Variants in DMXL2 observed in about 807,000 individuals in gnomAD.
DMXL2 encodes dmX-like protein 2.
In DMXL2, 103 loss-of-function variants were observed where a neutral mutation model predicts 331.1. That is an observed-to-expected ratio of 0.31 (90% CI 0.27 to 0.37). The LOEUF is 0.37. DMXL2 is among the 10% of genes least tolerant of loss of function. DMXL2 has a pLI of 1.00. For missense variants in DMXL2, 3,171 were observed against 3,642.9 expected (o/e 0.87, Z 3.33); for synonymous variants, 1,281 against 1,252.1 (o/e 1.02, Z -0.49).
At chr15:51,586,368 T>A (rs574372833) in intron 1 of DMXL2, among the ~76,000 whole-genome samples, 4 of 152,068 alleles carry the variant, frequency 2.6e-5, no homozygotes, top group Non-Finnish European at 4.4e-5. Context: ...AAAGCTTGAC[T>A]ACAAATATGT....
Position 51,536,592 on chromosome 15 carries a change from C to A in DMXL2, c.1888G>T (p.Asp630Tyr). The change falls in exon 12 of 44, where the codon GAT becomes TAT. Residue 630 changes from aspartate to tyrosine, a missense_variant. By Grantham distance (160) the Asp-to-Tyr change is radical. Around this residue, in one of 7 missense-constraint regions of DMXL2, gnomAD observed 1,674 missense variants for 1,780.2 expected, o/e 0.94. Coordinates refer to ENST00000560891, the MANE Select transcript of DMXL2 (RefSeq NM_001378457.1). The stretch of plus-strand genomic sequence containing the variant: ...AGAACAGTGGTAAAGGCAGACTTAT[C>A]AGCAAAAGTGACTGCCCACTGATTT... ...SLNQWAVTFA[D>Y]KSAFTTVLTV... 1.2e-6 allele frequency: 2 copies of A among 1,613,954 alleles called. No individual in the cohort carries two copies. Among genetic ancestry groups the A allele is most frequent in the Non-Finnish European group, 1.7e-6 (2 of 1,179,942 alleles).
chr15:51,570,196 G>A (rs1201342825), intron 2 of DMXL2, among the ~76,000 whole-genome samples: 1 of 151,950 alleles, frequency 6.6e-6, no homozygotes, highest in Non-Finnish European at 1.5e-5. Context: ...AGATATCAGA[G>A]ACTAAAGATA....
chr15:51,536,042 AT>A lies in DMXL2; in HGVS notation c.2314+123del, dbSNP rs1012718168. On this transcript the variant is annotated intron_variant, in intron 12 of 43. Coordinates refer to ENST00000560891, the MANE Select transcript of DMXL2 (RefSeq NM_001378457.1). ...CCTGTATTCTGAATATTTATTAAAA[AT>A]CACCTTAATGAAAACTGAATACTTA... 8.1e-6 allele frequency: 8 copies of A among 993,696 alleles called. No individual in the cohort carries two copies. The African/African-American group carries it at 1.3e-4, about 16-fold the overall frequency. 61.6% of individuals were successfully genotyped at this position (993,696 alleles called of 1,614,324 possible). A position where few individuals can be genotyped will look rare whatever the true frequency, so the allele number is the denominator to read the frequency against.
chr15:51,507,928 C>T (rs181398509), intron 15 of DMXL2, among the ~76,000 whole-genome samples: 19 of 151,952 alleles, frequency 1.3e-4, no homozygotes, highest in Admixed American at 1.2e-3. Context: ...ATAATTTTCC[C>T]TGCTGAAAAT....
At position 51,448,572 on chromosome 15, in the gene DMXL2, T is replaced by C; in HGVS notation, c.*412A>G. 4.3e-6 allele frequency: 1 copy of C among 234,928 alleles called. No homozygotes were observed. The highest frequency in any genetic ancestry group is 8.5e-6 in the Non-Finnish European group (1 of 117,798). The allele number at this position is 234,928 out of a possible 1,614,324, so 14.6% of individuals were successfully genotyped here. A position where few individuals can be genotyped will look rare whatever the true frequency, so the allele number is the denominator to read the frequency against. ...CTAACAAACACCTTATGATTATCCTTCATTCAACAGAGGAGGAGACTGCAG... is the reference window on the plus strand; with the variant it reads ...CTAACAAACACCTTATGATTATCCTCCATTCAACAGAGGAGGAGACTGCAG... On this transcript the variant is annotated 3_prime_UTR_variant, in exon 44 of 44. Transcript: ENST00000560891.
intron 1 of DMXL2, among the ~76,000 whole-genome samples, chr15:51,598,454 A>G (rs975820957): frequency 1.3e-5 from 2 of 152,332 alleles, no homozygotes; most frequent in Admixed American, 6.5e-5. Flanking sequence ...ATAAAATACT[A>G]TTATCTATAG....
chr15:51,543,107 T>C (rs2048693261), intron 8 of DMXL2, among the ~76,000 whole-genome samples: 1 of 152,204 alleles, frequency 6.6e-6, no homozygotes, highest in African/African-American at 2.4e-5. Flanking sequence ...GAGATAAATC[T>C]ATATGATTAA....
intron 9 of DMXL2, among the ~76,000 whole-genome samples, chr15:51,539,508 A>C (rs2140898629): frequency 6.6e-6 from 1 of 152,268 alleles, no homozygotes; most frequent in East Asian, 1.9e-4. Context: ...TGATGAGTTC[A>C]TGTAAGAGAG....
At chr15:51,614,271 A>AG (rs1161033594) in intron 1 of DMXL2, among the ~76,000 whole-genome samples, 1 of 152,214 alleles carries the variant, frequency 6.6e-6, no homozygotes, top group Non-Finnish European at 1.5e-5. Context: ...CAGAACTGTG[A>AG]GGAAAAAAAA....
At chr15:51,605,736 G>C (rs1239013990) in intron 1 of DMXL2, among the ~76,000 whole-genome samples, 2 of 96,020 alleles carry the variant, frequency 2.1e-5, no homozygotes, top group African/African-American at 7.0e-5. Context: ...GTAGAGACGG[G>C]GTTTCACCTT....
intron 1 of DMXL2, among the ~76,000 whole-genome samples, chr15:51,614,461 C>A (rs969746622): frequency 6.6e-6 from 1 of 152,160 alleles, no homozygotes; most frequent in Admixed American, 6.5e-5. Context: ...TTGAGAACCA[C>A]CTGTCAATTC....
Position 51,449,013 on chromosome 15 carries a change from T to A in DMXL2, c.9148A>T (p.Ile3050Phe). 6.2e-7 allele frequency: 1 copy of A among 1,614,156 alleles called. No homozygotes were observed. The highest frequency in any genetic ancestry group is 8.5e-7 in the Non-Finnish European group (1 of 1,180,020). The change falls in exon 44 of 44, where the codon ATC (isoleucine) becomes TTC (phenylalanine). Residue 3050 changes from isoleucine to phenylalanine, a missense_variant. Physicochemically the swap from Ile to Phe is conservative, Grantham distance 21 (BLOSUM62 0). This residue lies in a region of DMXL2 where 766 missense variants were observed against 940.5 expected (regional missense o/e 0.81). Transcript: ENST00000560891. The part of the protein sequence containing the change: ...KTRVLPNAFN[I>F]PNRILDIL ...AGAATGTCAAGAATTCTGTTAGGGATGTTAAAAGCATTGGGCAAAACCCTG... is the reference window on the plus strand; with the variant it reads ...AGAATGTCAAGAATTCTGTTAGGGAAGTTAAAAGCATTGGGCAAAACCCTG...
At chr15:51,591,473 C>T (rs1011023444) in intron 1 of DMXL2, among the ~76,000 whole-genome samples, 26 of 152,298 alleles carry the variant, frequency 1.7e-4, no homozygotes, top group East Asian at 5.8e-4. Flanking sequence ...TTCAAGGAGG[C>T]CTGCCTGCCT....
chr15:51,607,935 C>T (rs2053701099), intron 1 of DMXL2, among the ~76,000 whole-genome samples: 1 of 152,150 alleles, frequency 6.6e-6, no homozygotes. Context: ...CCTGTAATCC[C>T]AGCACTTTTG....
intron 13 of DMXL2, among the ~76,000 whole-genome samples, chr15:51,529,287 G>T (rs2047864326): frequency 6.6e-6 from 1 of 151,706 alleles, no homozygotes; most frequent in Admixed American, 6.6e-5. Flanking sequence ...TTGAAACAAA[G>T]AAAATCATAC....
intron 13 of DMXL2, among the ~76,000 whole-genome samples, chr15:51,529,991 A>C (rs908269221): frequency 6.6e-6 from 1 of 152,216 alleles, no homozygotes; most frequent in Non-Finnish European, 1.5e-5. Flanking sequence ...AATGAAGGAC[A>C]ACAGAATGAA....
intron 6 of DMXL2, among the ~76,000 whole-genome samples, chr15:51,554,856 A>G (rs2049451677): frequency 6.6e-6 from 1 of 152,196 alleles, no homozygotes; most frequent in South Asian, 2.1e-4. Context: ...ATCTGACAAC[A>G]TTTTAAAAAG....
At chr15:51,485,989 T>C (rs1035289562) in intron 23 of DMXL2, 84 bp downstream of exon 23, 55 of 1,389,020 alleles carry the variant, frequency 4.0e-5, no homozygotes, top group Middle Eastern at 1.9e-4. Flanking sequence ...CTGGTAATGA[T>C]TTTTCTTAAT....
At chr15:51,507,917 T>C (rs2046507080) in intron 15 of DMXL2, among the ~76,000 whole-genome samples, 1 of 152,160 alleles carries the variant, frequency 6.6e-6, no homozygotes, top group Non-Finnish European at 1.5e-5. Context: ...TACTTGTATA[T>C]ATAATTTTCC....
Sources: gnomAD v4.1 joint callset for allele counts (sites outside exome capture counted in the v4.1 genomes callset) on GRCh38, gnomAD v4.1.1 for gene constraint, gnomAD v4.1.1 regional missense constraint, MANE v1.5 for transcripts, NCBI Gene and HGNC (gene_info 2026-07-23, HGNC 2026-07-21) for gene names.